DNAH5: variants seen among roughly 807,000 people sequenced by gnomAD.
DNAH5 encodes the protein dynein axonemal heavy chain 5, also known as axonemal beta dynein heavy chain 5.
A neutral mutation model predicts 518.2 loss-of-function variants in DNAH5; 372 were observed. The observed-to-expected ratio is 0.72, with a 90% CI of 0.66 to 0.78. The LOEUF (loss-of-function observed/expected upper bound fraction) is 0.78, where lower values mean the gene tolerates loss of function less well. Among genes scored for constraint, DNAH5 ranks in the 30% least tolerant of loss-of-function variants. The pLI is 0.00. For missense variants in DNAH5, 5,523 were observed against 5,687.0 expected (o/e 0.97, Z 0.93); for synonymous variants, 2,039 against 2,025.9 (o/e 1.01, Z -0.17).
intron 41 of DNAH5, among the ~76,000 whole-genome samples, chr5:13,819,965 T>C (rs1761997909): frequency 6.6e-6 from 1 of 152,142 alleles, no homozygotes; most frequent in Non-Finnish European, 1.5e-5. Context: ...ACTGGGCTTT[T>C]TTTAAGCGCG....
At chr5:13,810,885 A>C (rs1404005253) in intron 44 of DNAH5, among the ~76,000 whole-genome samples, 2 of 152,146 alleles carry the variant, frequency 1.3e-5, no homozygotes, top group Non-Finnish European at 2.9e-5. Flanking sequence ...CACACAAGGG[A>C]GTACTATTCA....
At chr5:13,948,630 A>C (rs1217488159), upstream of DNAH5, among the ~76,000 whole-genome samples, 1 of 152,222 alleles carries the variant, frequency 6.6e-6, no homozygotes, top group Admixed American at 6.5e-5. Flanking sequence ...TGCAATTTTA[A>C]GTAAAAATGA....
chr5:13,916,482 A>G (rs780607530), intron 8 of DNAH5, 27 bp from the exon 9 acceptor site: 1 of 1,332,984 alleles, frequency 7.5e-7, no homozygotes, highest in Non-Finnish European at 1.1e-6. Context: ...AAGTTTTCAG[A>G]AAAAATCATC....
chr5:13,914,030 C>T (rs995298146), intron 10 of DNAH5, 72 bp from the exon 11 acceptor site: 14 of 1,541,052 alleles, frequency 9.1e-6, no homozygotes, highest in African/African-American at 1.4e-5. Flanking sequence ...TAAGTGAAGG[C>T]GACAGCAAAA....
At chr5:13,885,842 T>A in intron 18 of DNAH5, 122 bp downstream of exon 18, 1 of 913,136 alleles carries the variant, frequency 1.1e-6, no homozygotes, top group Non-Finnish European at 1.7e-6. Flanking sequence ...TTTATACATA[T>A]CATTAGAAAA....
chr5:13,705,622 A>G (rs1478014129), intron 76 of DNAH5, among the ~76,000 whole-genome samples: 1 of 152,176 alleles, frequency 6.6e-6, no homozygotes, highest in African/African-American at 2.4e-5. Context: ...GTCCCCTCAA[A>G]ACCATACATT....
intron 1 of DNAH5, among the ~76,000 whole-genome samples, chr5:14,002,256 A>G (rs1009903101): frequency 1.3e-5 from 2 of 152,204 alleles, no homozygotes; most frequent in African/African-American, 4.8e-5. Context: ...TAGAAAAAAC[A>G]ATTCAGATGC....
chr5:13,796,168 A>C (rs1003342602), intron 47 of DNAH5, among the ~76,000 whole-genome samples: 5 of 152,144 alleles, frequency 3.3e-5, no homozygotes, highest in East Asian at 1.9e-4. Flanking sequence ...CTCACCACTC[A>C]TATTCAACAT....
At chr5:13,991,422 A>C (rs1783531775) in intron 1 of DNAH5, among the ~76,000 whole-genome samples, 1 of 151,692 alleles carries the variant, frequency 6.6e-6, no homozygotes, top group African/African-American at 2.4e-5. Context: ...CCTGCTTGTC[A>C]GACAGACCCA....
At chr5:13,881,652 A>G (rs886716974) in intron 21 of DNAH5, among the ~76,000 whole-genome samples, 1 of 152,090 alleles carries the variant, frequency 6.6e-6, no homozygotes, top group African/African-American at 2.4e-5. Context: ...GAAACATGAC[A>G]TATCAAAATT....
chr5:13,786,174 T>C lies in DNAH5; in HGVS notation c.8820+5A>G, dbSNP rs769631330. On this transcript the variant is annotated splice_donor_5th_base_variant and intron_variant, in intron 52 of 78. Coordinates refer to ENST00000265104, the MANE Select transcript of DNAH5 (RefSeq NM_001369.3). ...ACAAGGCACTACTCAGAGTGGCTAC[T>C]GTACCTTGACTAAGTGAACCATGGC... 6.2e-7 allele frequency: 1 copy of C among 1,613,600 alleles called. No individual in the cohort carries two copies. Among genetic ancestry groups the C allele is most frequent in the Non-Finnish European group, 8.5e-7 (1 of 1,179,838 alleles).
chr5:13,916,237 T>A (rs1001202546), intron 9 of DNAH5, 111 bp downstream of exon 9: 1 of 568,546 alleles, frequency 1.8e-6, no homozygotes, highest in African/African-American at 1.9e-5. Flanking sequence ...TTTTTAAAAT[T>A]TTAAGATACA....
chr5:13,866,988 T>C (rs773102014), intron 25 of DNAH5, among the ~76,000 whole-genome samples: 4 of 152,188 alleles, frequency 2.6e-5, no homozygotes, highest in Non-Finnish European at 5.9e-5. Context: ...TATCCACTAC[T>C]GTGTAGTCAG....
chr5:13,700,535 G>T, intron 78 of DNAH5, 105 bp downstream of exon 78: 2 of 1,137,654 alleles, frequency 1.8e-6, no homozygotes, highest in Non-Finnish European at 2.7e-6. Flanking sequence ...ATAGATAAGA[G>T]AGCAAAATCT....
intron 31 of DNAH5, 124 bp from the exon 32 acceptor site, chr5:13,845,117 G>C: frequency 1.1e-6 from 1 of 879,510 alleles, no homozygotes; most frequent in Non-Finnish European, 1.8e-6. Flanking sequence ...ATTTTCCTAC[G>C]TGACTTCTCA....
chr5:13,960,106 A>T (rs339438), intron 1 of DNAH5, among the ~76,000 whole-genome samples: 8,870 of 138,584 alleles, frequency 0.064, 471 homozygotes, highest in African/African-American at 0.16. Flanking sequence ...GAACGCTTTT[A>T]TCTTCAAAAA....
Position 13,894,763 on chromosome 5 carries a change from A to G in DNAH5, c.2318T>C (p.Leu773Ser). 1 of 1,614,152 alleles carries G rather than the reference A, an allele frequency of 6.2e-7. No homozygotes were observed. The highest frequency in any genetic ancestry group is 2.2e-5 in the East Asian group (1 of 44,886). ...CACTTTGGCCAAGTGAGGGACAATC[A>G]ATTGCTCAATGGCAGCAGGTATTTT... is the stretch of plus-strand genomic sequence containing the variant. ...KSKIPAAIEQ[L>S]IVPHLAKVDE... The change falls in exon 16 of 79, where the codon TTG becomes TCG. Residue 773 changes from leucine to serine, a missense_variant. Physicochemically the swap from Leu to Ser is moderately radical, Grantham distance 145. Transcript: ENST00000265104.
At chr5:13,797,888 G>A (rs527559439) in intron 47 of DNAH5, among the ~76,000 whole-genome samples, 23 of 152,316 alleles carry the variant, frequency 1.5e-4, no homozygotes, top group African/African-American at 5.3e-4. Context: ...AAAAGGATGA[G>A]TTAATGTTCT....
intron 1 of DNAH5, among the ~76,000 whole-genome samples, chr5:13,983,809 A>C (rs750142471): frequency 6.6e-5 from 10 of 152,218 alleles, no homozygotes; most frequent in Admixed American, 6.5e-4. Context: ...GTGGAAGCTA[A>C]AACGCCAGAA....
Sources: allele counts gnomAD v4.1 joint callset (sites outside exome capture counted in the v4.1 genomes callset), GRCh38; gene constraint gnomAD v4.1.1; transcripts MANE v1.5; gene names NCBI Gene and HGNC (gene_info 2026-07-23, HGNC 2026-07-21).